ZNF521: variants seen among roughly 807,000 people sequenced by gnomAD.
ZNF521 encodes the protein zinc finger protein 521, also known as LYST-interacting protein 3.
A neutral mutation model predicts 105.5 loss-of-function variants in ZNF521; 14 were observed. The observed-to-expected ratio is 0.13, with a 90% confidence interval of 0.09 to 0.21. ZNF521 has a LOEUF of 0.21. ZNF521 is among the 10% of genes least tolerant of loss of function. The pLI, the probability that ZNF521 is intolerant of heterozygous loss-of-function variation, is 1.00. For missense variants in ZNF521, 1,233 were observed against 1,629.7 expected (o/e 0.76, Z 4.19); for synonymous variants, 635 against 606.0 (o/e 1.05, Z -0.70).
intron 3 of ZNF521, among the ~76,000 whole-genome samples, chr18:25,317,219 T>A (rs1427114165): frequency 6.6e-6 from 1 of 152,088 alleles, no homozygotes; most frequent in East Asian, 1.9e-4. Context: ...TTCCCTACTT[T>A]CAGAAAGCTT....
At chr18:25,290,463 C>T (rs553935733) in intron 3 of ZNF521, among the ~76,000 whole-genome samples, 1 of 152,274 alleles carries the variant, frequency 6.6e-6, no homozygotes, top group African/African-American at 2.4e-5. Flanking sequence ...TCCTGGGCCC[C>T]TCGCTGGGAG....
At chr18:25,140,964 A>C (rs1236533420) in intron 5 of ZNF521, among the ~76,000 whole-genome samples, 5 of 152,174 alleles carry the variant, frequency 3.3e-5, no homozygotes, top group Non-Finnish European at 5.9e-5. Flanking sequence ...ACAGATATTT[A>C]CCCAACAAGA....
At chr18:25,103,001 A>C (rs1164281681) in intron 5 of ZNF521, among the ~76,000 whole-genome samples, 1 of 152,142 alleles carries the variant, frequency 6.6e-6, no homozygotes, top group Admixed American at 6.5e-5. Context: ...AGCTACTGTT[A>C]AAGTCTCTCT....
intron 3 of ZNF521, among the ~76,000 whole-genome samples, chr18:25,275,938 G>A (rs1910003689): frequency 1.3e-5 from 2 of 152,300 alleles, no homozygotes; most frequent in Non-Finnish European, 1.5e-5. Context: ...GACGTCCAGG[G>A]AAGCTGCTAT....
intron 2 of ZNF521, among the ~76,000 whole-genome samples, chr18:25,333,102 T>C (rs1359633119): frequency 2.0e-5 from 3 of 151,720 alleles, no homozygotes; most frequent in African/African-American, 7.3e-5. Flanking sequence ...ACTAGAGTAG[T>C]ATATATTTTA....
At chr18:25,172,668 T>G (rs2035468582) in intron 5 of ZNF521, among the ~76,000 whole-genome samples, 1 of 152,194 alleles carries the variant, frequency 6.6e-6, no homozygotes. Flanking sequence ...AGATAAGACA[T>G]GAAAGAGAAT....
intron 3 of ZNF521, among the ~76,000 whole-genome samples, chr18:25,305,842 A>G (rs1911943794): frequency 6.6e-6 from 1 of 152,228 alleles, no homozygotes; most frequent in African/African-American, 2.4e-5. Context: ...TAATAATACC[A>G]ACAATACTAA....
intron 3 of ZNF521, among the ~76,000 whole-genome samples, chr18:25,284,067 ACC>A (rs1258449173): frequency 6.6e-6 from 1 of 152,018 alleles, no homozygotes; most frequent in East Asian, 1.9e-4. Flanking sequence ...TCCCAGGAGG[ACC>A]CTGAGTAAAC....
chr18:25,192,258 C>T (rs867348413), intron 5 of ZNF521, among the ~76,000 whole-genome samples: 1 of 152,076 alleles, frequency 6.6e-6, no homozygotes, highest in Non-Finnish European at 1.5e-5. Context: ...TAATTATTCT[C>T]GCAACTCAGA....
intron 7 of ZNF521, among the ~76,000 whole-genome samples, chr18:25,065,399 T>C (rs1184177342): frequency 1.3e-5 from 2 of 152,182 alleles, no homozygotes; most frequent in African/African-American, 4.8e-5. Context: ...ATTGAAAATA[T>C]TGTGTAAAAT....
intron 5 of ZNF521, among the ~76,000 whole-genome samples, chr18:25,149,227 G>A (rs1029480378): frequency 1.3e-5 from 2 of 152,168 alleles, no homozygotes; most frequent in Non-Finnish European, 2.9e-5. Flanking sequence ...GGGGAAGACA[G>A]GTGCTACTGT....
rs140642806 is a variant in ZNF521, at chr18:25,253,934, C to T, written c.221-26237G>A. On this transcript the variant is annotated intron_variant, in intron 3 of 7. Coordinates refer to ENST00000361524, the MANE Select transcript of ZNF521 (RefSeq NM_015461.3). ...TTTACACATGATATGAACTCAAATC[C>T]TTGCCCAACTCTTCAGTTACTCTGA... Among the ~76,000 whole-genome samples, 1,250 of 152,224 alleles carry T rather than the reference C, an allele frequency of 8.2e-3. 17 individuals are homozygous for T. The highest frequency in any genetic ancestry group is 0.028 in the African/African-American group (1,171 of 41,532).
intron 5 of ZNF521, among the ~76,000 whole-genome samples, chr18:25,109,146 A>G (rs1042684558): frequency 3.3e-5 from 5 of 151,602 alleles, no homozygotes; most frequent in Non-Finnish European, 5.9e-5. Flanking sequence ...AGTTTCTATT[A>G]TTTCCATCTT....
chr18:25,078,044 G>A (rs907485958), intron 7 of ZNF521, among the ~76,000 whole-genome samples: 19 of 152,170 alleles, frequency 1.2e-4, no homozygotes, highest in Admixed American at 7.2e-4. Flanking sequence ...AGCAGAAAAT[G>A]GTGGTTTAAA....
chr18:25,217,164 GACTTC>G (rs1905381416), intron 4 of ZNF521, among the ~76,000 whole-genome samples: 2 of 152,138 alleles, frequency 1.3e-5, no homozygotes, highest in Non-Finnish European at 2.9e-5. Context: ...AATTTTAAGT[GACTTC>G]ACTTAATTTA....
intron 5 of ZNF521, among the ~76,000 whole-genome samples, chr18:25,142,252 T>C (rs1453500473): frequency 1.3e-5 from 2 of 152,162 alleles, no homozygotes; most frequent in Non-Finnish European, 2.9e-5. Flanking sequence ...TCAAGTTCTC[T>C]CATCCATCTC....
At chr18:25,273,213 C>A in intron 3 of ZNF521, among the ~76,000 whole-genome samples, 1 of 55,750 alleles carries the variant, frequency 1.8e-5, no homozygotes, top group African/African-American at 7.6e-5. Context: ...GAGTGAAACC[C>A]TGTCTCCAAA....
intron 2 of ZNF521, chr18:25,327,327 C>G (rs1022536104): frequency 8.1e-6 from 5 of 617,796 alleles, no homozygotes; most frequent in Middle Eastern, 8.3e-4. Context: ...AATGATGCAT[C>G]TCAGGTTAAC....
intron 3 of ZNF521, among the ~76,000 whole-genome samples, chr18:25,264,202 T>C (rs1366306343): frequency 3.9e-5 from 6 of 152,158 alleles, no homozygotes; most frequent in Admixed American, 6.5e-5. Context: ...TGTAGAGCTA[T>C]GAGGATTAAA....
Sources: allele counts gnomAD v4.1 joint callset (sites outside exome capture counted in the v4.1 genomes callset), GRCh38; gene constraint gnomAD v4.1.1; transcripts MANE v1.5; gene names NCBI Gene and HGNC (gene_info 2026-07-23, HGNC 2026-07-21).